Variants in SSBP2 observed in about 807,000 individuals in gnomAD.
SSBP2 encodes single-stranded DNA-binding protein 2.
Under a neutral mutation model 61.8 loss-of-function variants are expected in SSBP2, and 17 were observed. The observed-to-expected ratio is 0.28, with a 90% CI of 0.19 to 0.41. The LOEUF is 0.41. SSBP2 is among the 10% of genes least tolerant of loss of function. The pLI, the probability that SSBP2 is intolerant of heterozygous loss-of-function variation, is 1.00. For missense variants in SSBP2, 310 were observed against 458.7 expected (o/e 0.68, Z 2.96); for synonymous variants, 139 against 141.3 (o/e 0.98, Z 0.12).
chr5:81,511,399 C>T (rs1368755430), intron 5 of SSBP2, among the ~76,000 whole-genome samples: 2 of 152,164 alleles, frequency 1.3e-5, no homozygotes, highest in Admixed American at 6.5e-5. Context: ...CAGGTCATTG[C>T]CCTTCCTAAA....
In SSBP2 at chr5:81,604,207, C is replaced by G. The variant is rs368699333; in HGVS notation, c.282+11266G>C. ...TTACATGAGATAAAAGGTTTTCATG[C>G]CTGCTGGCATAGCTACAGTGATGGC... On this transcript the variant is annotated intron_variant, in intron 4 of 16. Transcript: ENST00000320672. Among the ~76,000 whole-genome samples, 12 of 151,544 alleles carry G rather than the reference C, an allele frequency of 7.9e-5. No homozygotes were observed. The South Asian group carries it at 2.5e-3, about 32-fold the overall frequency.
At chr5:81,510,613 T>C (rs2154080587) in intron 5 of SSBP2, among the ~76,000 whole-genome samples, 1 of 152,130 alleles carries the variant, frequency 6.6e-6, no homozygotes, top group Non-Finnish European at 1.5e-5. Flanking sequence ...ATACAAAAAT[T>C]AGCCGGGCGT....
intron 4 of SSBP2, among the ~76,000 whole-genome samples, chr5:81,573,386 G>A (rs1773973261): frequency 6.6e-6 from 1 of 152,234 alleles, no homozygotes; most frequent in South Asian, 2.1e-4. Flanking sequence ...GCATGGCTGA[G>A]ATGCTGAGAA....
At chr5:81,745,351 G>A (rs754751588) in intron 1 of SSBP2, among the ~76,000 whole-genome samples, 12 of 152,010 alleles carry the variant, frequency 7.9e-5, no homozygotes, top group East Asian at 1.9e-4. Context: ...ATATACATAC[G>A]TTAACAAAAC....
chr5:81,478,393 T>A (rs1765738215), intron 6 of SSBP2, among the ~76,000 whole-genome samples: 2 of 152,046 alleles, frequency 1.3e-5, no homozygotes, highest in Admixed American at 6.6e-5. Flanking sequence ...CAGGCTGGAG[T>A]GCAGTGGTGC....
chr5:81,512,516 A>C (rs866439808), intron 5 of SSBP2, among the ~76,000 whole-genome samples: 1 of 152,290 alleles, frequency 6.6e-6, no homozygotes, highest in Non-Finnish European at 1.5e-5. Flanking sequence ...CCTAGATTAT[A>C]AGATAGGGCC....
At chr5:81,662,048 C>A (rs1750738697) in intron 1 of SSBP2, among the ~76,000 whole-genome samples, 1 of 152,174 alleles carries the variant, frequency 6.6e-6, no homozygotes, top group Non-Finnish European at 1.5e-5. Context: ...TAATTTCATT[C>A]TGCATGCAAA....
intron 1 of SSBP2, among the ~76,000 whole-genome samples, chr5:81,652,788 CTG>C (rs1245055916): frequency 6.6e-6 from 1 of 151,678 alleles, no homozygotes; most frequent in African/African-American, 2.4e-5. Flanking sequence ...TGGGAACGAG[CTG>C]TGTTTGATTA....
At chr5:81,469,824 A>T (rs1165474442) in intron 8 of SSBP2, among the ~76,000 whole-genome samples, 1 of 152,018 alleles carries the variant, frequency 6.6e-6, no homozygotes, top group Non-Finnish European at 1.5e-5. Flanking sequence ...ACAAAGGCAG[A>T]ATGGGAAGAC....
intron 1 of SSBP2, among the ~76,000 whole-genome samples, chr5:81,727,524 G>T (rs1755973910): frequency 6.6e-6 from 1 of 151,576 alleles, no homozygotes; most frequent in South Asian, 2.1e-4. Context: ...ACTCCAACCT[G>T]AGCAACAAGA....
intron 1 of SSBP2, among the ~76,000 whole-genome samples, chr5:81,750,526 A>ACCCCGG (rs1260621002): frequency 8.0e-6 from 1 of 125,690 alleles, no homozygotes; most frequent in East Asian, 2.6e-4. Flanking sequence ...GCCCGCCCCG[A>ACCCCGG]CCCCGGCCCC....
intron 3 of SSBP2, among the ~76,000 whole-genome samples, chr5:81,625,242 G>C (rs1006151577): frequency 6.6e-6 from 1 of 152,024 alleles, no homozygotes; most frequent in African/African-American, 2.4e-5. Context: ...TTGGGTCGAG[G>C]GATTTTTCTG....
At chr5:81,709,261 AAAG>A (rs1382470629) in intron 1 of SSBP2, among the ~76,000 whole-genome samples, 5 of 151,986 alleles carry the variant, frequency 3.3e-5, no homozygotes, top group African/African-American at 7.2e-5. Context: ...CTCAATGAGA[AAAG>A]AAGAAGTAAA....
rs1748257478 is a variant in SSBP2 at position 81,636,580 on chromosome 5, T to C, written c.174A>G (p.Pro58=). ...ACCACCACCAAGAATGTAAGAATCC[T>C]GGTGGTTCCCCCAATGTGATGTTTT... Residue 58 remains proline, a synonymous_variant, in exon 3 of 17, where the codon CCA becomes CCG. Transcript: ENST00000320672. The C allele has an allele frequency of 1.2e-6, 2 of 1,611,690 alleles. No individual in the cohort carries two copies. Among genetic ancestry groups the C allele is most frequent in the Non-Finnish European group, 8.5e-7 (1 of 1,178,846 alleles).
chr5:81,701,270 T>C (rs1753965537), intron 1 of SSBP2, among the ~76,000 whole-genome samples: 2 of 152,192 alleles, frequency 1.3e-5, no homozygotes, highest in East Asian at 1.9e-4. Context: ...ACACAACATT[T>C]ATCAATTATA....
intron 3 of SSBP2, among the ~76,000 whole-genome samples, chr5:81,626,193 G>C (rs1747122527): frequency 6.6e-6 from 1 of 152,130 alleles, no homozygotes; most frequent in Non-Finnish European, 1.5e-5. Context: ...CTTTAAAAAT[G>C]AAAGCATTAA....
At chr5:81,629,745 G>A (rs1159800757) in intron 3 of SSBP2, among the ~76,000 whole-genome samples, 1 of 152,078 alleles carries the variant, frequency 6.6e-6, no homozygotes, top group Non-Finnish European at 1.5e-5. Context: ...TATTTAAGAT[G>A]TACAATGTGA....
chr5:81,448,111 TAGGTGTTTCCCTCTA>T (rs541172552), intron 11 of SSBP2: 1 of 152,304 alleles, frequency 6.6e-6, no homozygotes, highest in Admixed American at 6.5e-5. Flanking sequence ...GTTTCTCTGT[TAGGTGTTTCCCTCTA>T]AATGGTGTAA....
intron 1 of SSBP2, among the ~76,000 whole-genome samples, chr5:81,703,020 A>T (rs1182316078): frequency 6.6e-6 from 1 of 152,100 alleles, no homozygotes; most frequent in African/African-American, 2.4e-5. Flanking sequence ...TTAATGAGGG[A>T]TTTTTGTCTG....
Sources: allele counts gnomAD v4.1 joint callset (sites outside exome capture counted in the v4.1 genomes callset), GRCh38; gene constraint gnomAD v4.1.1; transcripts MANE v1.5; gene names NCBI Gene and HGNC (gene_info 2026-07-23, HGNC 2026-07-21).